Variants in MSN observed in about 807,000 individuals in gnomAD.
MSN encodes the protein moesin, also known as epididymis luminal protein 70.
A neutral mutation model predicts 48.0 loss-of-function variants in MSN; 2 were observed. The ratio of observed to expected loss-of-function variants is 0.04; its 90% CI spans 0.02 to 0.13. MSN has a LOEUF of 0.13. Among genes scored for constraint, MSN ranks in the 10% least tolerant of loss-of-function variants. The pLI, the probability that MSN is intolerant of heterozygous loss-of-function variation, is 1.00. For missense variants in MSN, 267 were observed against 470.1 expected (o/e 0.57, Z 3.99); for synonymous variants, 146 against 166.9 (o/e 0.87, Z 0.97).
chrX:65,739,695 C>G (rs1199347638), intron 12 of MSN, 34 bp from the exon 13 acceptor site: 1 of 1,178,963 alleles, frequency 8.5e-7, no homozygotes, highest in Admixed American at 2.5e-5. Flanking sequence ...TGAGAGAAAG[C>G]CATTGACCTC....
intron 1 of MSN, among the ~76,000 whole-genome samples, chrX:65,694,308 C>T (rs1025455564): frequency 2.7e-5 from 3 of 110,550 alleles, no homozygotes; most frequent in African/African-American, 9.9e-5. Context: ...GAGTGTGCCT[C>T]CTATACTACA....
rs775043232 is a variant in MSN at position 65,720,654 on chromosome X, A to T, written c.96+3753A>T. On this transcript the variant is annotated intron_variant, in intron 2 of 12. Coordinates refer to ENST00000360270, the MANE Select transcript of MSN (RefSeq NM_002444.3). Reference sequence around the variant, plus strand: ...CATCATTCAAGGAGGCCCTCCTGGTAGAGCCTGGGCCTGGGAGGAAGGAGC... The same window carrying T: ...CATCATTCAAGGAGGCCCTCCTGGTTGAGCCTGGGCCTGGGAGGAAGGAGC... 2.0e-4 allele frequency among the ~76,000 whole-genome samples: 22 copies of T among 112,009 alleles called. 1 individual carries two copies. The Admixed American group carries it at 2.1e-3, about 11-fold the overall frequency.
At chrX:65,685,731 G>T (rs1329435532) in intron 1 of MSN, among the ~76,000 whole-genome samples, 1 of 111,781 alleles carries the variant, frequency 8.9e-6, no homozygotes, top group Non-Finnish European at 1.9e-5. Context: ...AAGTATAGGC[G>T]TGCACCACTG....
At position 65,667,737 on chromosome X, in the gene MSN, A is replaced by G. The variant is rs1271794232; in HGVS notation, c.-105A>G. 2 of 1,166,505 alleles carry G rather than the reference A, an allele frequency of 1.7e-6. No homozygotes were observed. The highest frequency in any genetic ancestry group is 1.9e-5 in the South Asian group (1 of 51,842). On this transcript the variant is annotated 5_prime_UTR_variant, in exon 1 of 13. Coordinates refer to ENST00000360270, the MANE Select transcript of MSN (RefSeq NM_002444.3). The stretch of plus-strand genomic sequence containing the variant: ...CGCCCCGACGCTAGTGAGGGACCCA[A>G]TCTGAGTCCCCGGCCAGCCGAATCC...
intron 1 of MSN, among the ~76,000 whole-genome samples, chrX:65,700,918 G>T (rs1168518552): frequency 9.0e-6 from 1 of 111,489 alleles, no homozygotes; most frequent in Non-Finnish European, 1.9e-5. Flanking sequence ...AGATGTGCAT[G>T]ATCAGCTCTA....
chrX:65,650,794 G>A (rs1376380936), intron 1 of MSN, among the ~76,000 whole-genome samples: 2 of 112,142 alleles, frequency 1.8e-5, no homozygotes, highest in Admixed American at 1.9e-4. Context: ...GTTTAAAATG[G>A]TCAGCAGGGC....
intron 1 of MSN, among the ~76,000 whole-genome samples, chrX:65,649,011 C>A (rs1227633925): frequency 1.8e-5 from 2 of 110,379 alleles, no homozygotes; most frequent in African/African-American, 3.3e-5. Context: ...CCGTAAGTGG[C>A]CAAGTGAACA....
At chrX:65,672,634 T>G (rs2070953694) in intron 1 of MSN, among the ~76,000 whole-genome samples, 1 of 111,828 alleles carries the variant, frequency 8.9e-6, no homozygotes, top group South Asian at 3.7e-4. Flanking sequence ...CTGAGAATTT[T>G]TCTTCTCTTT....
rs760219272 is a variant in MSN at position 65,692,167 on chromosome X, T to A, written c.12+24314T>A. On this transcript the variant is annotated intron_variant, in intron 1 of 12. Coordinates refer to ENST00000360270, the MANE Select transcript of MSN (RefSeq NM_002444.3). ...CCCTTAATTGGCCAGCTGGGAGGGA[T>A]CCCCTTCTTGCTTCTTTCTTCTTCA... Among the ~76,000 whole-genome samples the A allele has an allele frequency of 4.4e-5, 5 of 112,455 alleles. No individual in the cohort carries two copies. In the East Asian group the frequency reaches 1.4e-3, roughly 31 times the overall value.
rs533560594 is a variant in MSN, at chrX:65,694,595, C to T, written c.13-22223C>T. Among the ~76,000 whole-genome samples the T allele has an allele frequency of 6.2e-5, 7 of 112,073 alleles. No individual in the cohort carries two copies. The South Asian group carries it at 2.6e-3, about 42-fold the overall frequency. On this transcript the variant is annotated intron_variant, in intron 1 of 12. Coordinates refer to ENST00000360270, the MANE Select transcript of MSN (RefSeq NM_002444.3). ...CCACCCGCCTCAGCCTCCAAAAGTG[C>T]TGGGATTACAGGCGTGAGCCACCAC...
rs970192719 is a variant in MSN at position 65,697,219 on chromosome X, C to T, written c.13-19599C>T. On this transcript the variant is annotated intron_variant, in intron 1 of 12. Transcript: ENST00000360270. ...AGCAGGCTGGGTGGGGGGTTGGGGACATCCTGCTTAGGGGTAGCCAGCCAA... is the reference window on the plus strand; with the variant it reads ...AGCAGGCTGGGTGGGGGGTTGGGGATATCCTGCTTAGGGGTAGCCAGCCAA... Among the ~76,000 whole-genome samples the T allele has an allele frequency of 2.4e-4, 27 of 110,660 alleles. No homozygotes were observed. The Admixed American group carries it at 2.6e-3, about 11-fold the overall frequency.
At chrX:65,676,859 C>G (rs1386001069) in intron 1 of MSN, among the ~76,000 whole-genome samples, 1 of 109,228 alleles carries the variant, frequency 9.2e-6, no homozygotes, top group East Asian at 2.9e-4. Context: ...GAGTCTTGCT[C>G]TGTTGCCCAG....
intron 1 of MSN, among the ~76,000 whole-genome samples, chrX:65,658,304 G>A (rs1267318754): frequency 2.7e-5 from 3 of 111,497 alleles, no homozygotes; most frequent in East Asian, 2.8e-4. Flanking sequence ...TGACCCAGGG[G>A]AAGAAAAAGA....
intron 1 of MSN, among the ~76,000 whole-genome samples, chrX:65,652,344 G>T (rs774782464): frequency 1.8e-5 from 2 of 111,700 alleles, no homozygotes; most frequent in East Asian, 5.7e-4. Context: ...CCTGGAGCTG[G>T]ACAAGTTTTT....
At chrX:65,689,068 T>C (rs2071145866) in intron 1 of MSN, among the ~76,000 whole-genome samples, 1 of 111,575 alleles carries the variant, frequency 9.0e-6, no homozygotes, top group Non-Finnish European at 1.9e-5. Flanking sequence ...GAAAAGGCAC[T>C]CTTTTTTAGT....
At chrX:65,631,118 CAG>C (rs2070553863) in intron 1 of MSN, among the ~76,000 whole-genome samples, 1 of 106,150 alleles carries the variant, frequency 9.4e-6, no homozygotes, top group Admixed American at 1.0e-4. Flanking sequence ...TTGTCTGAGA[CAG>C]AGTCTCGCTC....
chrX:65,645,499 G>C (rs1040142308), intron 1 of MSN, among the ~76,000 whole-genome samples: 20 of 109,799 alleles, frequency 1.8e-4, no homozygotes, highest in Non-Finnish European at 3.8e-5. Context: ...TGTAGGCGGG[G>C]CGGGGGTGGT....
At chrX:65,621,408 G>A (rs1298846459) in intron 1 of MSN, among the ~76,000 whole-genome samples, 3 of 111,919 alleles carry the variant, frequency 2.7e-5, no homozygotes, top group Non-Finnish European at 5.6e-5. Context: ...TATCAAAAAC[G>A]ATTAGCCACA....
chrX:65,724,881 G>A (rs2071553139), intron 2 of MSN, among the ~76,000 whole-genome samples: 1 of 110,582 alleles, frequency 9.0e-6, no homozygotes, highest in Non-Finnish European at 1.9e-5. Context: ...TAGAGACCAG[G>A]TTTCACCATG....
Sources: gnomAD v4.1 joint callset for allele counts (sites outside exome capture counted in the v4.1 genomes callset) on GRCh38, gnomAD v4.1.1 for gene constraint, MANE v1.5 for transcripts, NCBI Gene and HGNC (gene_info 2026-07-23, HGNC 2026-07-21) for gene names.